Variants in CALD1 observed in about 807,000 individuals in gnomAD.
CALD1 encodes the protein caldesmon.
In CALD1, 33 loss-of-function variants were observed where a neutral mutation model predicts 99.9. That is an observed-to-expected ratio of 0.33 (90% CI 0.25 to 0.44). The LOEUF is 0.44. Among genes scored for constraint, CALD1 ranks in the 20% least tolerant of loss-of-function variants. The pLI is 1.00. For missense variants in CALD1, 861 were observed against 962.1 expected (o/e 0.89, Z 1.39); for synonymous variants, 310 against 325.0 (o/e 0.95, Z 0.50).
chr7:134,959,490 A>G (rs2232890), intron 11 of CALD1, among the ~76,000 whole-genome samples: 25,418 of 152,098 alleles, frequency 0.17, 2,806 homozygotes, highest in Admixed American at 0.34. Flanking sequence ...TGGGCAACAT[A>G]GGGACTATGC....
chr7:134,840,281 A>G (rs1399613915), intron 1 of CALD1, among the ~76,000 whole-genome samples: 5 of 152,126 alleles, frequency 3.3e-5, no homozygotes, highest in Non-Finnish European at 7.3e-5. Context: ...TAGGTGCGGG[A>G]TGATGTTACT....
chr7:134,744,450 CGTGTGTGTGTGTGTGT>C (rs56284062), intron 1 of CALD1: 42 of 140,966 alleles, frequency 3.0e-4, no homozygotes, highest in African/African-American at 1.0e-3. Context: ...ATCAGGAAGT[CGTGTGTGTGTGTGTGT>C]GTGTGTGTGT....
intron 2 of CALD1, among the ~76,000 whole-genome samples, chr7:134,844,652 C>T (rs1037482629): frequency 6.6e-6 from 1 of 152,158 alleles, no homozygotes; most frequent in African/African-American, 2.4e-5. Context: ...AGTGAAAATC[C>T]ACAGACTGGG....
chr7:134,869,657 C>A (rs1243007609), intron 3 of CALD1, among the ~76,000 whole-genome samples: 1 of 152,142 alleles, frequency 6.6e-6, no homozygotes, highest in South Asian at 2.1e-4. Flanking sequence ...CAGAGAGGAG[C>A]AGTGTTTAAT....
At chr7:134,824,463 TCTC>T (rs1463142108) in intron 1 of CALD1, among the ~76,000 whole-genome samples, 1 of 151,900 alleles carries the variant, frequency 6.6e-6, no homozygotes, top group Non-Finnish European at 1.5e-5. Flanking sequence ...TTCTCCTTCT[TCTC>T]CTTCTCCTTC....
chr7:134,736,070 C>T, the CALD1 span, among the ~76,000 whole-genome samples: 1 of 152,166 alleles, frequency 6.6e-6, no homozygotes, highest in East Asian at 1.9e-4. Context: ...TTTCTGGAGC[C>T]TCATTGCTTC....
chr7:134,726,227 A>G, the CALD1 span, among the ~76,000 whole-genome samples: 1 of 151,004 alleles, frequency 6.6e-6, no homozygotes, highest in Non-Finnish European at 1.5e-5. Flanking sequence ...AGGAGAAGAA[A>G]AATCAGCTGA....
chr7:134,866,425 T>C (rs1800802846), intron 2 of CALD1, among the ~76,000 whole-genome samples: 2 of 152,168 alleles, frequency 1.3e-5, no homozygotes, highest in African/African-American at 2.4e-5. Context: ...AATAATACCC[T>C]AGAGGATAAA....
At chr7:134,922,797 G>C (rs1804711189) in intron 3 of CALD1, among the ~76,000 whole-genome samples, 1 of 152,168 alleles carries the variant, frequency 6.6e-6, no homozygotes, top group African/African-American at 2.4e-5. Context: ...TATCTGAAAG[G>C]CACAAACTAA....
chr7:134,714,390 C>A, the CALD1 span, among the ~76,000 whole-genome samples: 3 of 152,182 alleles, frequency 2.0e-5, no homozygotes, highest in Non-Finnish European at 4.4e-5. Context: ...CTTCCTCTGG[C>A]AGGTTCTCCC....
At chr7:134,812,625 G>C (rs760962004) in intron 1 of CALD1, among the ~76,000 whole-genome samples, 54 of 151,268 alleles carry the variant, frequency 3.6e-4, no homozygotes, top group South Asian at 1.0e-3. Flanking sequence ...TGGTCTAAAA[G>C]ACTGGAATAA....
At chr7:134,787,862 C>A (rs1797366575) in intron 1 of CALD1, among the ~76,000 whole-genome samples, 1 of 152,096 alleles carries the variant, frequency 6.6e-6, no homozygotes, top group Admixed American at 6.6e-5. Flanking sequence ...AAAATTGTTA[C>A]TATATTTGTA....
chr7:134,782,099 T>C (rs1205826695), intron 1 of CALD1, among the ~76,000 whole-genome samples: 1 of 152,242 alleles, frequency 6.6e-6, no homozygotes, highest in Admixed American at 6.5e-5. Context: ...GAAACACATG[T>C]AATTGTCTCC....
intron 6 of CALD1, among the ~76,000 whole-genome samples, chr7:134,937,242 G>A (rs558444067): frequency 6.6e-6 from 1 of 152,204 alleles, no homozygotes; most frequent in Admixed American, 6.5e-5. Context: ...AACTAGAAGG[G>A]CCCATCAGTT....
the CALD1 span, among the ~76,000 whole-genome samples, chr7:134,731,648 C>T: frequency 2.7e-5 from 3 of 110,442 alleles, no homozygotes; most frequent in African/African-American, 1.1e-4. Context: ...CCTGTGTCTC[C>T]TCCACTTCCT....
At chr7:134,941,398 G>A (rs1806428730) in intron 7 of CALD1, among the ~76,000 whole-genome samples, 161 bp downstream of exon 7, 1 of 152,154 alleles carries the variant, frequency 6.6e-6, no homozygotes, top group Non-Finnish European at 1.5e-5. Flanking sequence ...TACTCAGTCA[G>A]CAGGTCCAGT....
At chr7:134,878,544 G>C (rs1452664303) in intron 3 of CALD1, among the ~76,000 whole-genome samples, 2 of 152,140 alleles carry the variant, frequency 1.3e-5, no homozygotes, top group African/African-American at 4.8e-5. Context: ...ATTCCAGCCT[G>C]GGTGATAGAG....
intron 13 of CALD1, chr7:134,961,140 G>A (rs2232895): frequency 0.94 from 143,184 of 152,298 alleles, 67,380 homozygotes; most frequent in East Asian, 1. Flanking sequence ...TGTGTTGTCA[G>A]CACCTCCTGA....
intron 3 of CALD1, among the ~76,000 whole-genome samples, chr7:134,876,022 T>C (rs903831782): frequency 3.9e-5 from 6 of 152,224 alleles, no homozygotes; most frequent in South Asian, 2.1e-4. Context: ...CTTAAGGCTG[T>C]CTCTGACCTT....
Sources: gnomAD v4.1 joint callset for allele counts (sites outside exome capture counted in the v4.1 genomes callset) on GRCh38, gnomAD v4.1.1 for gene constraint, MANE v1.5 for transcripts, NCBI Gene and HGNC (gene_info 2026-07-23, HGNC 2026-07-21) for gene names.